USP32: variants seen among roughly 807,000 people sequenced by gnomAD.
USP32 encodes the protein ubiquitin carboxyl-terminal hydrolase 32.
A neutral mutation model predicts 204.8 loss-of-function variants in USP32; 59 were observed. That is an observed-to-expected ratio of 0.29 (90% CI 0.23 to 0.36). The LOEUF (loss-of-function observed/expected upper bound fraction) is 0.36. Ranked by LOEUF, USP32 falls within the 10% of genes least tolerant of loss-of-function variation. The pLI is 1.00. For synonymous variants in USP32, 517 were observed against 678.4 expected (o/e 0.76, Z 3.70); for missense variants, 1,160 against 1,946.4 (o/e 0.60, Z 7.60).
At chr17:60,378,014 T>C (rs1173347775) in intron 1 of USP32, among the ~76,000 whole-genome samples, 1 of 152,104 alleles carries the variant, frequency 6.6e-6, no homozygotes, top group Non-Finnish European at 1.5e-5. Context: ...ACAGAAATAT[T>C]TGGGAGAAAA....
At chr17:60,327,875 G>A (rs976113390) in intron 2 of USP32, among the ~76,000 whole-genome samples, 4 of 152,230 alleles carry the variant, frequency 2.6e-5, no homozygotes, top group East Asian at 1.9e-4. Context: ...CACTCAGGGC[G>A]GTGCTGACGT....
intron 1 of USP32, among the ~76,000 whole-genome samples, chr17:60,368,614 C>T (rs1018268787): frequency 6.6e-5 from 10 of 151,948 alleles, no homozygotes; most frequent in African/African-American, 2.4e-4. Flanking sequence ...CACATACACA[C>T]AAAAACTATT....
chr17:60,188,240 G>T (rs145421736), intron 29 of USP32, among the ~76,000 whole-genome samples: 1 of 152,290 alleles, frequency 6.6e-6, no homozygotes, highest in East Asian at 1.9e-4. Flanking sequence ...GTCCCAACAG[G>T]AGAGAAATGT....
At chr17:60,349,642 A>ATT (rs61266631) in intron 1 of USP32, among the ~76,000 whole-genome samples, 1 of 102,574 alleles carries the variant, frequency 9.7e-6, no homozygotes, top group Non-Finnish European at 1.7e-5. Context: ...ATATATATAT[A>ATT]TTATATATAT....
intron 5 of USP32, among the ~76,000 whole-genome samples, chr17:60,284,924 A>G: frequency 6.6e-6 from 1 of 152,234 alleles, no homozygotes; most frequent in Non-Finnish European, 1.5e-5. Flanking sequence ...TAATTTTTCT[A>G]TCCACTGACC....
chr17:60,210,663 T>TTGGATGTAATTAATAAGAC (rs1415601897), intron 21 of USP32, among the ~76,000 whole-genome samples: 2 of 152,210 alleles, frequency 1.3e-5, no homozygotes, highest in Non-Finnish European at 2.9e-5. Flanking sequence ...ATGGATTGGA[T>TTGGATGTAATTAATAAGAC]TGGATGTAAT....
intron 21 of USP32, among the ~76,000 whole-genome samples, 188 bp from the exon 22 acceptor site, chr17:60,209,731 C>A (rs796125447): frequency 1.3e-5 from 2 of 151,838 alleles, no homozygotes; most frequent in African/African-American, 4.8e-5. Flanking sequence ...TGACCCCCCC[C>A]AAAAAAAGAG....
At chr17:60,267,268 G>A (rs1267495205) in intron 7 of USP32, among the ~76,000 whole-genome samples, 3 of 151,596 alleles carry the variant, frequency 2.0e-5, no homozygotes, top group South Asian at 2.1e-4. Flanking sequence ...TTAGCTGGGC[G>A]TAGTGGCGGG....
intron 11 of USP32, among the ~76,000 whole-genome samples, chr17:60,237,296 C>A (rs1024435455): frequency 8.3e-5 from 12 of 145,274 alleles, no homozygotes; most frequent in African/African-American, 3.3e-4. Context: ...GTGTGCTATG[C>A]CCAGCTAATT....
At chr17:60,277,854 T>G (rs1217115093) in intron 5 of USP32, among the ~76,000 whole-genome samples, 1 of 152,088 alleles carries the variant, frequency 6.6e-6, no homozygotes, top group African/African-American at 2.4e-5. Flanking sequence ...ATATGTTTTC[T>G]TCCAAATATT....
intron 1 of USP32, among the ~76,000 whole-genome samples, chr17:60,346,980 A>G (rs553926680): frequency 1.3e-5 from 2 of 152,348 alleles, no homozygotes; most frequent in Admixed American, 6.5e-5. Context: ...ACAGTCAGAT[A>G]CAACTCAGAT....
chr17:60,348,793 G>A (rs1338220017), intron 1 of USP32, among the ~76,000 whole-genome samples: 1 of 151,922 alleles, frequency 6.6e-6, no homozygotes, highest in Non-Finnish European at 1.5e-5. Flanking sequence ...AGACTAAAGA[G>A]TGCTTGGCAC....
At chr17:60,265,244 T>C (rs2086559728) in intron 9 of USP32, among the ~76,000 whole-genome samples, 168 bp downstream of exon 9, 2 of 152,334 alleles carry the variant, frequency 1.3e-5, no homozygotes, top group South Asian at 2.1e-4. Context: ...TGCTTAAAGA[T>C]GGAATGGCTC....
chr17:60,307,803 C>CA (rs1275143199), intron 2 of USP32, among the ~76,000 whole-genome samples: 1 of 152,148 alleles, frequency 6.6e-6, no homozygotes, highest in Admixed American at 6.5e-5. Context: ...GCCACGCCCC[C>CA]AAGGTGTGCC....
At chr17:60,278,524 G>A (rs1404587694) in intron 5 of USP32, among the ~76,000 whole-genome samples, 1 of 152,142 alleles carries the variant, frequency 6.6e-6, no homozygotes, top group Non-Finnish European at 1.5e-5. Context: ...AAAACAGGAT[G>A]TGTAAAAGTC....
At chr17:60,422,413 T>A in exon 1 of USP32, 2 of 1,441,112 alleles carry the variant, frequency 1.4e-6, no homozygotes, top group Admixed American at 4.5e-5. Flanking sequence ...CCCCTAAGAA[T>A]GAGGAAATGG....
intron 29 of USP32, among the ~76,000 whole-genome samples, chr17:60,187,458 T>C (rs2084278523): frequency 6.6e-6 from 1 of 152,208 alleles, no homozygotes; most frequent in Admixed American, 6.5e-5. Flanking sequence ...AAAACTGATG[T>C]GCTTCAAAAG....
At chr17:60,336,405 T>C (rs901949206) in intron 2 of USP32, among the ~76,000 whole-genome samples, 3 of 143,324 alleles carry the variant, frequency 2.1e-5, no homozygotes, top group Middle Eastern at 3.5e-3. Context: ...GAAATCTTTT[T>C]TGTCCTGTCT....
chr17:60,207,194 T>C (rs1598064426), intron 24 of USP32, 62 bp from the exon 25 acceptor site: 2 of 1,540,128 alleles, frequency 1.3e-6, no homozygotes, highest in East Asian at 2.4e-5. Context: ...AAAAGTTCTC[T>C]CTCTAACATA....
Sources: gnomAD v4.1 joint callset for allele counts (sites outside exome capture counted in the v4.1 genomes callset) on GRCh38, gnomAD v4.1.1 for gene constraint, MANE v1.5 for transcripts, NCBI Gene and HGNC (gene_info 2026-07-23, HGNC 2026-07-21) for gene names.